The following SCHIP1 variants were observed in gnomAD, a reference collection of about 807,000 sequenced individuals.
SCHIP1 encodes schwannomin interacting protein 1.
SCHIP1 carries 8 observed loss-of-function variants against 29.7 expected under a neutral mutation model. The observed-to-expected ratio is 0.27, with a 90% CI of 0.16 to 0.49. SCHIP1 has a LOEUF of 0.49. Ranked by LOEUF, SCHIP1 falls within the 20% of genes least tolerant of loss-of-function variation. The probability of loss-of-function intolerance (pLI) is 0.99; values close to 1 mark genes in which losing one functional copy is unlikely to be tolerated. For synonymous variants in SCHIP1, 76 were observed against 94.9 expected, an observed-to-expected ratio of 0.80 and a Z score of 1.16; for missense variants, 193 against 294.6, an observed-to-expected ratio of 0.66 and a Z score of 2.52.
the SCHIP1 span, among the ~76,000 whole-genome samples, chr3:159,330,019 T>C: frequency 2.0e-5 from 3 of 152,196 alleles, no homozygotes; most frequent in East Asian, 5.8e-4. Context: ...TGCAGTTTGA[T>C]GCATAATCTT....
the SCHIP1 span, among the ~76,000 whole-genome samples, chr3:159,295,354 G>A: frequency 9.9e-5 from 15 of 150,976 alleles, no homozygotes; most frequent in African/African-American, 2.9e-4. Context: ...ACCTGAACCC[G>A]GGAGGTGGAG....
chr3:159,453,578 GAC>G, the SCHIP1 span, among the ~76,000 whole-genome samples: 1 of 152,102 alleles, frequency 6.6e-6, no homozygotes, highest in Non-Finnish European at 1.5e-5. Flanking sequence ...ATTCAAAGTG[GAC>G]ACTGTAATTA....
At chr3:159,878,841 A>G (rs1716151588) in intron 2 of SCHIP1, among the ~76,000 whole-genome samples, 1 of 150,726 alleles carries the variant, frequency 6.6e-6, no homozygotes, top group South Asian at 2.1e-4. Context: ...ATAAAAATAA[A>G]TAAATTCCTG....
At chr3:159,465,936 GA>G in the SCHIP1 span, among the ~76,000 whole-genome samples, 1 of 152,018 alleles carries the variant, frequency 6.6e-6, no homozygotes, top group African/African-American at 2.4e-5. Flanking sequence ...ACAAAAGTTT[GA>G]ATACGATCCT....
the SCHIP1 span, among the ~76,000 whole-genome samples, chr3:159,436,609 T>C: frequency 4.6e-5 from 7 of 152,180 alleles, no homozygotes; most frequent in Non-Finnish European, 2.9e-5. Context: ...AGTTATTTAA[T>C]TGGTCCTTAA....
At chr3:159,693,860 A>T in the SCHIP1 span, among the ~76,000 whole-genome samples, 2 of 152,236 alleles carry the variant, frequency 1.3e-5, no homozygotes, top group African/African-American at 4.8e-5. Context: ...TTCAAAAAGT[A>T]AATATCCATT....
chr3:159,860,942 G>A (rs1187905948), intron 1 of SCHIP1, among the ~76,000 whole-genome samples: 1 of 152,064 alleles, frequency 6.6e-6, no homozygotes, highest in African/African-American at 2.4e-5. Flanking sequence ...TTCATCATCT[G>A]TGCAGGACTC....
chr3:159,584,114 C>T, the SCHIP1 span, among the ~76,000 whole-genome samples: 12 of 152,184 alleles, frequency 7.9e-5, no homozygotes, highest in African/African-American at 1.2e-4. Flanking sequence ...TATCTCTTCA[C>T]GACAGGTACT....
the SCHIP1 span, among the ~76,000 whole-genome samples, chr3:159,663,445 T>A: frequency 6.6e-6 from 1 of 152,118 alleles, no homozygotes; most frequent in Non-Finnish European, 1.5e-5. Flanking sequence ...AGGAAACACA[T>A]CCTGCACCTG....
At chr3:159,877,326 G>T (rs1715928699) in intron 2 of SCHIP1, among the ~76,000 whole-genome samples, 1 of 152,140 alleles carries the variant, frequency 6.6e-6, no homozygotes, top group South Asian at 2.1e-4. Context: ...CTCCAGCCTG[G>T]GTGACAAGAG....
intron 2 of SCHIP1, among the ~76,000 whole-genome samples, chr3:159,876,097 T>C (rs1715777437): frequency 6.6e-6 from 1 of 152,202 alleles, no homozygotes; most frequent in Non-Finnish European, 1.5e-5. Context: ...ATCAGTGTCA[T>C]TGAAAACACT....
the SCHIP1 span, among the ~76,000 whole-genome samples, chr3:159,515,792 G>A: frequency 6.6e-6 from 1 of 152,142 alleles, no homozygotes. Flanking sequence ...TTATTGGAAA[G>A]CATTTATTGA....
the SCHIP1 span, among the ~76,000 whole-genome samples, chr3:159,621,808 G>A: frequency 6.6e-6 from 1 of 152,084 alleles, no homozygotes; most frequent in Admixed American, 6.5e-5. Flanking sequence ...TTGGATTACA[G>A]GTGCCCATCA....
chr3:159,550,887 C>T, the SCHIP1 span, among the ~76,000 whole-genome samples: 1 of 152,126 alleles, frequency 6.6e-6, no homozygotes, highest in Admixed American at 6.6e-5. Context: ...ATGTCAGCCT[C>T]ACTATGTAAT....
At chr3:159,425,452 T>C in the SCHIP1 span, among the ~76,000 whole-genome samples, 3 of 151,920 alleles carry the variant, frequency 2.0e-5, no homozygotes, top group African/African-American at 7.3e-5. Flanking sequence ...AGAAGGCCAT[T>C]ACATAATGGT....
chr3:159,398,047 A>G, the SCHIP1 span, among the ~76,000 whole-genome samples: 2 of 152,144 alleles, frequency 1.3e-5, no homozygotes, highest in African/African-American at 2.4e-5. Flanking sequence ...TTTTAAGCCC[A>G]TTGGAAAAGC....
chr3:159,582,829 T>C, the SCHIP1 span, among the ~76,000 whole-genome samples: 1 of 138,744 alleles, frequency 7.2e-6, no homozygotes, highest in South Asian at 2.4e-4. Flanking sequence ...CATTCAAAAA[T>C]ATCCGTTATT....
chr3:159,533,652 C>A, the SCHIP1 span, among the ~76,000 whole-genome samples: 1 of 152,118 alleles, frequency 6.6e-6, no homozygotes, highest in African/African-American at 2.4e-5. Context: ...GTTCTCTGTT[C>A]TTTAATACAG....
the SCHIP1 span, among the ~76,000 whole-genome samples, chr3:159,430,063 T>A: frequency 6.6e-6 from 1 of 152,080 alleles, no homozygotes; most frequent in Non-Finnish European, 1.5e-5. Context: ...AACAGAAAAT[T>A]TGAAAAATTG....
Sources: gnomAD v4.1 joint callset for allele counts (sites outside exome capture counted in the v4.1 genomes callset) on GRCh38, gnomAD v4.1.1 for gene constraint, MANE v1.5 for transcripts, NCBI Gene and HGNC (gene_info 2026-07-23, HGNC 2026-07-21) for gene names.